SOCS4: variants seen among roughly 807,000 people sequenced by gnomAD.
SOCS4 encodes the protein SH2 domain containing SOCS box protein.
A neutral mutation model predicts 34.1 loss-of-function variants in SOCS4; 20 were observed. That is an observed-to-expected ratio of 0.59 (90% CI 0.41 to 0.85). SOCS4 has a LOEUF of 0.85. SOCS4 is among the 40% of genes least tolerant of loss of function. The pLI is 0.00. For synonymous variants in SOCS4, 180 were observed against 186.4 expected, an observed-to-expected ratio of 0.97 and a Z score of 0.28; for missense variants, 479 against 532.4, an observed-to-expected ratio of 0.90 and a Z score of 0.99.
rs951751981 is a variant in SOCS4 at position 55,048,727 on chromosome 14, T to A, written c.*4363T>A. The A allele has an allele frequency of 1.8e-5, 3 of 167,114 alleles. No individual in the cohort carries two copies. Among genetic ancestry groups the A allele is most frequent in the Admixed American group, 1.3e-4 (2 of 15,292 alleles). The allele number at this position is 167,114 out of a possible 1,614,324, so 10.4% of individuals were successfully genotyped here. ...CAAATAAAACCAAAGTCTATTTTTT[T>A]ATTTACTTTCTAATTTTGAACAGAT... is the stretch of plus-strand genomic sequence containing the variant. On this transcript the variant is annotated 3_prime_UTR_variant, in exon 3 of 3. Transcript: ENST00000555846.
chr14:55,032,398 T>G (rs1460795174), intron 2 of SOCS4, among the ~76,000 whole-genome samples: 1 of 152,224 alleles, frequency 6.6e-6, no homozygotes, highest in Non-Finnish European at 1.5e-5. Context: ...CTCATTTTGT[T>G]ATTGTTGTCA....
At chr14:55,028,863 T>C (rs1375403211) in intron 1 of SOCS4, among the ~76,000 whole-genome samples, 1 of 152,184 alleles carries the variant, frequency 6.6e-6, no homozygotes, top group Non-Finnish European at 1.5e-5. Context: ...AAAATCGAAT[T>C]CCTCATCTCT....
Position 55,048,807 on chromosome 14 carries a change from A to T in SOCS4, c.*4443A>T, listed in dbSNP as rs1272062450. ...CCTATAAAATGTAGGTGATACTTGT[A>T]ACTCGACTTCCTGGAGTTAATTCTT... On this transcript the variant is annotated 3_prime_UTR_variant, in exon 3 of 3. Coordinates refer to ENST00000555846, the MANE Select transcript of SOCS4 (RefSeq NM_199421.2). The T allele has an allele frequency of 1.8e-5, 3 of 167,026 alleles. No homozygotes were observed. Among genetic ancestry groups the T allele is most frequent in the African/African-American group, 2.4e-5 (1 of 41,448 alleles). 10.3% of individuals were successfully genotyped at this position (167,026 alleles called of 1,614,324 possible).
At position 55,044,336 on chromosome 14, in the gene SOCS4, G is replaced by A; in HGVS notation, c.1295G>A (p.Arg432Lys). ...YHYKSKVRVL[R>K]IDAPEQQC ...TATAAATCAAAAGTTAGAGTACTCA[G>A]GATTGATGCACCAGAACAGCAATGC... The change falls in exon 3 of 3, where the codon AGG becomes AAG. Residue 432 changes from arginine (R) to lysine (K), a missense_variant. Physicochemically the swap from Arg to Lys is conservative, Grantham distance 26 (BLOSUM62 2). Transcript: ENST00000555846. The A allele has an allele frequency of 6.2e-7, 1 of 1,611,588 alleles. No homozygotes were observed. Among genetic ancestry groups the A allele is most frequent in the Non-Finnish European group, 8.5e-7 (1 of 1,178,448 alleles).
At chr14:55,037,383 T>C (rs888076986) in intron 2 of SOCS4, among the ~76,000 whole-genome samples, 1 of 151,682 alleles carries the variant, frequency 6.6e-6, no homozygotes, top group Admixed American at 6.6e-5. Context: ...GACCTGATGA[T>C]CCACCTGCCT....
intron 2 of SOCS4, among the ~76,000 whole-genome samples, chr14:55,040,235 G>T (rs578066394): frequency 6.6e-6 from 1 of 152,202 alleles, no homozygotes; most frequent in African/African-American, 2.4e-5. Context: ...ATCTTAAATG[G>T]TTATATATCA....
chr14:55,045,139 A>T lies in SOCS4; in HGVS notation c.*775A>T, dbSNP rs973742778. 6.0e-6 allele frequency: 1 copy of T among 167,032 alleles called. No homozygotes were observed. The highest frequency in any genetic ancestry group is 1.5e-5 in the Non-Finnish European group (1 of 68,090). 10.3% of individuals were successfully genotyped at this position (167,032 alleles called of 1,614,324 possible). ...CTGCAAGAGCTAAACCATCTTCAAA[A>T]CATAAATCTTGTTCCTTTCTCATTG... On this transcript the variant is annotated 3_prime_UTR_variant, in exon 3 of 3. Transcript: ENST00000555846.
intron 2 of SOCS4, among the ~76,000 whole-genome samples, chr14:55,033,420 T>G (rs2042545917): frequency 6.6e-6 from 1 of 152,224 alleles, no homozygotes; most frequent in Non-Finnish European, 1.5e-5. Flanking sequence ...CTCATTTTTT[T>G]GTAACAGAAT....
Position 55,044,398 on chromosome 14 carries a change from A to AT in SOCS4, c.*40dup. On this transcript the variant is annotated 3_prime_UTR_variant, in exon 3 of 3. Coordinates refer to ENST00000555846, the MANE Select transcript of SOCS4 (RefSeq NM_199421.2). ...TGGGAACATGGGAATGATAATATAT[A>AT]TTTTTTCTTTTAATATTTTATTTTT... 1 of 1,328,670 alleles carries AT rather than the reference A, an allele frequency of 7.5e-7. No homozygotes were observed. The highest frequency in any genetic ancestry group is 2.9e-4 in the Middle Eastern group (1 of 3,446). 82.3% of individuals were successfully genotyped at this position (1,328,670 alleles called of 1,614,324 possible). A position where few individuals can be genotyped will look rare whatever the true frequency, so the allele number is the denominator to read the frequency against.
chr14:55,041,649 A>G (rs764772069), intron 2 of SOCS4, among the ~76,000 whole-genome samples: 41 of 149,968 alleles, frequency 2.7e-4, no homozygotes, highest in Non-Finnish European at 5.6e-4. Flanking sequence ...TAATTTTTGT[A>G]TTTTTAATAG....
intron 1 of SOCS4, among the ~76,000 whole-genome samples, chr14:55,030,340 A>G (rs1419948921): frequency 6.6e-6 from 1 of 152,124 alleles, no homozygotes; most frequent in East Asian, 1.9e-4. Context: ...AAAAACTACA[A>G]TTTTTTGTTT....
intron 2 of SOCS4, among the ~76,000 whole-genome samples, chr14:55,037,183 C>T (rs1305563568): frequency 2.7e-5 from 4 of 150,298 alleles, no homozygotes; most frequent in Admixed American, 1.3e-4. Flanking sequence ...CTCACTCTGT[C>T]GCCCAGGCTA....
intron 2 of SOCS4, among the ~76,000 whole-genome samples, chr14:55,038,870 C>T (rs1388360881): frequency 6.6e-6 from 1 of 152,096 alleles, no homozygotes; most frequent in African/African-American, 2.4e-5. Flanking sequence ...TGTGTTACCT[C>T]TGTGCCTGAT....
At chr14:55,038,017 A>T (rs914157703) in intron 2 of SOCS4, among the ~76,000 whole-genome samples, 1 of 152,242 alleles carries the variant, frequency 6.6e-6, no homozygotes, top group Non-Finnish European at 1.5e-5. Context: ...TATAAAGCAA[A>T]GAGATTTAAT....
rs1180811297 is a variant in SOCS4, at chr14:55,043,437, T to C, written c.396T>C (p.Cys132=). ...IHISELMLDK[C]PFPPRSDLAF... ...TCAGTGAACTCATGTTAGATAAGTG[T>C]CCTTTCCCACCTCGATCAGATTTAG... Residue 132 remains cysteine (C), a synonymous_variant, in exon 3 of 3, where the codon TGT becomes TGC. Transcript: ENST00000555846. 1.2e-6 allele frequency: 2 copies of C among 1,614,204 alleles called. No homozygotes were observed. Among genetic ancestry groups the C allele is most frequent in the Non-Finnish European group, 1.7e-6 (2 of 1,180,044 alleles).
intron 2 of SOCS4, among the ~76,000 whole-genome samples, chr14:55,039,976 A>T (rs539389028): frequency 6.6e-6 from 1 of 152,368 alleles, no homozygotes; most frequent in African/African-American, 2.4e-5. Context: ...CACAATTTAG[A>T]GGTAGCAAGG....
intron 1 of SOCS4, among the ~76,000 whole-genome samples, chr14:55,029,148 T>A (rs76518514): frequency 0.037 from 5,693 of 152,270 alleles, 141 homozygotes; most frequent in South Asian, 0.062. Context: ...CTTCAGTGAG[T>A]TTATGGTCTT....
At chr14:55,032,965 G>T (rs1220567962) in intron 2 of SOCS4, among the ~76,000 whole-genome samples, 1 of 152,156 alleles carries the variant, frequency 6.6e-6, no homozygotes, top group East Asian at 1.9e-4. Flanking sequence ...TGTATTTTTA[G>T]TAGAGATGGG....
intron 2 of SOCS4, among the ~76,000 whole-genome samples, chr14:55,040,693 G>A (rs893065287): frequency 9.2e-5 from 14 of 151,804 alleles, no homozygotes; most frequent in African/African-American, 1.9e-4. Flanking sequence ...GCAGTGAGTC[G>A]AGATCATGCC....
Sources: allele counts gnomAD v4.1 joint callset (sites outside exome capture counted in the v4.1 genomes callset), GRCh38; gene constraint gnomAD v4.1.1; transcripts MANE v1.5; gene names NCBI Gene and HGNC (gene_info 2026-07-23, HGNC 2026-07-21).